Variants in ANKRD30A observed in about 807,000 individuals in gnomAD.
ANKRD30A encodes the protein ankyrin repeat domain-containing protein 30A.
In ANKRD30A, 170 loss-of-function variants were observed where a neutral mutation model predicts 166.3. That is an observed-to-expected ratio of 1.02 (90% CI 0.90 to 1.16). The LOEUF (loss-of-function observed/expected upper bound fraction) is 1.16. Ranked by LOEUF, ANKRD30A falls within the 50% of genes most tolerant of loss-of-function variation. ANKRD30A has a pLI of 0.00. For missense variants in ANKRD30A, 1,630 were observed against 1,518.0 expected (o/e 1.07, Z -1.23); for synonymous variants, 564 against 508.9 (o/e 1.11, Z -1.46).
intron 9 of ANKRD30A, among the ~76,000 whole-genome samples, chr10:37,148,776 C>T (rs1837694651): frequency 6.6e-6 from 1 of 152,008 alleles, no homozygotes; most frequent in Non-Finnish European, 1.5e-5. Context: ...AAACTAAGAA[C>T]ATTGGCTTTA....
chr10:37,184,032 T>G (rs1314095909), intron 24 of ANKRD30A, among the ~76,000 whole-genome samples: 6 of 151,818 alleles, frequency 4.0e-5, no homozygotes, highest in African/African-American at 1.2e-4. Context: ...TTTCTAATAA[T>G]TTCTCAGGCG....
At chr10:37,133,510 A>G (rs1268853391) in intron 4 of ANKRD30A, among the ~76,000 whole-genome samples, 1 of 152,246 alleles carries the variant, frequency 6.6e-6, no homozygotes, top group African/African-American at 2.4e-5. Context: ...TAAACTTAGC[A>G]TGACTACTAC....
At chr10:37,206,251 C>T (rs1841986260) in intron 31 of ANKRD30A, among the ~76,000 whole-genome samples, 2 of 152,046 alleles carry the variant, frequency 1.3e-5, no homozygotes, top group South Asian at 4.2e-4. Flanking sequence ...GAGAAGGAAA[C>T]TTGAGTGAAT....
intron 24 of ANKRD30A, among the ~76,000 whole-genome samples, chr10:37,179,234 A>T (rs1279226084): frequency 6.6e-6 from 1 of 150,842 alleles, no homozygotes. Flanking sequence ...AATTTTGAAA[A>T]CCATAAAACT....
At chr10:37,197,215 G>T (rs367659935) in intron 27 of ANKRD30A, 66 bp from the exon 28 acceptor site, 3 of 1,590,434 alleles carry the variant, frequency 1.9e-6, no homozygotes, top group Non-Finnish European at 2.6e-6. Flanking sequence ...TACTATCACG[G>T]CATTCATTTG....
At chr10:37,150,747 A>AT (rs1254569745) in intron 11 of ANKRD30A, among the ~76,000 whole-genome samples, 1 of 152,124 alleles carries the variant, frequency 6.6e-6, no homozygotes, top group Non-Finnish European at 1.5e-5. Context: ...TAATTGCACA[A>AT]TTTTTATGCT....
At chr10:37,165,287 T>A (rs1839228226) in intron 18 of ANKRD30A, 132 bp downstream of exon 18, 1 of 838,854 alleles carries the variant, frequency 1.2e-6, no homozygotes, top group South Asian at 1.7e-5. Flanking sequence ...TTTCAGTATA[T>A]GCTTAATGGA....
chr10:37,139,988 G>A (rs11011047), intron 6 of ANKRD30A, among the ~76,000 whole-genome samples: 11,926 of 152,166 alleles, frequency 0.078, 623 homozygotes, highest in Middle Eastern at 0.13. Flanking sequence ...CTTCCTGAAA[G>A]CACAAACAGT....
chr10:37,132,987 G>A (rs180828179), intron 4 of ANKRD30A, among the ~76,000 whole-genome samples: 6 of 151,588 alleles, frequency 4.0e-5, no homozygotes, highest in African/African-American at 9.7e-5. Context: ...GTAATAGAGC[G>A]AGATTCTGTC....
rs183789344 is a variant in ANKRD30A at position 37,204,303 on chromosome 10, G to A, written c.2869+2978G>A. ...ACCAAAACAGAGATATAGATGAATG[G>A]AACAGAACCACACATCTACAACCAT... On this transcript the variant is annotated intron_variant, in intron 31 of 35. Coordinates refer to ENST00000361713, the MANE Select transcript of ANKRD30A (RefSeq NM_052997.3). Among the ~76,000 whole-genome samples, 975 of 150,994 alleles carry A rather than the reference G, an allele frequency of 6.5e-3. 6 individuals carry two copies. Among genetic ancestry groups the A allele is most frequent in the Admixed American group, 0.011 (166 of 15,098 alleles).
chr10:37,217,747 G>A lies in ANKRD30A; in HGVS notation c.3136G>A (p.Glu1046Lys). Residue 1046 changes from glutamate to lysine, a missense_variant, in exon 33 of 36, where the codon GAA (glutamate) becomes AAA (lysine). Coordinates refer to ENST00000361713, the MANE Select transcript of ANKRD30A (RefSeq NM_052997.3). ...EKRRNADILN[E>K]KIREELGRIE... ...GAGAAGAAATGCCGATATATTAAAT[G>A]AAAAAATTAGGGAAGAATTAGGAAG... 1 of 1,594,658 alleles carries A rather than the reference G, an allele frequency of 6.3e-7. No homozygotes were observed. Among genetic ancestry groups the A allele is most frequent in the Non-Finnish European group, 8.5e-7 (1 of 1,171,192 alleles).
chr10:37,161,728 G>C (rs1046670226), intron 15 of ANKRD30A, among the ~76,000 whole-genome samples: 1 of 152,072 alleles, frequency 6.6e-6, no homozygotes, highest in Non-Finnish European at 1.5e-5. Flanking sequence ...TATATATTTT[G>C]TTGCTGTTCG....
intron 15 of ANKRD30A, among the ~76,000 whole-genome samples, chr10:37,159,962 G>A (rs1256161005): frequency 3.3e-5 from 5 of 152,244 alleles, no homozygotes; most frequent in Admixed American, 3.3e-4. Flanking sequence ...GCCTCCCAAA[G>A]TACTGGAATT....
chr10:37,254,876 G>T, the ANKRD30A span, among the ~76,000 whole-genome samples: 4 of 151,796 alleles, frequency 2.6e-5, no homozygotes, highest in Non-Finnish European at 4.4e-5. Context: ...TAGAGACGGG[G>T]CTTCACCGTG....
intron 29 of ANKRD30A, among the ~76,000 whole-genome samples, 170 bp from the exon 30 acceptor site, chr10:37,199,548 TTCAGATTTC>T (rs1271251760): frequency 1.3e-5 from 2 of 152,082 alleles, no homozygotes; most frequent in Non-Finnish European, 2.9e-5. Context: ...TTTCAGACTT[TTCAGATTTC>T]AATTCTAACG....
intron 29 of ANKRD30A, 48 bp from the exon 30 acceptor site, chr10:37,199,679 T>A (rs1261417386): frequency 8.2e-7 from 1 of 1,225,956 alleles, no homozygotes; most frequent in Non-Finnish European, 1.2e-6. Context: ...TTAAAATGTA[T>A]AGTAGAGAAA....
In ANKRD30A at chr10:37,149,854, A is replaced by T. The variant is rs1261930932; in HGVS notation, c.1645+5A>T. 6.2e-7 allele frequency: 1 copy of T among 1,612,394 alleles called. No individual in the cohort carries two copies. Among genetic ancestry groups the T allele is most frequent in the Non-Finnish European group, 8.5e-7 (1 of 1,178,904 alleles). Reference sequence around the variant, plus strand: ...ATGAACAAACATTGAGAGCAGGTAAATTTTTCAATTTAACTATGCAAAGAC... The same window carrying T: ...ATGAACAAACATTGAGAGCAGGTAATTTTTTCAATTTAACTATGCAAAGAC... On this transcript the variant is annotated splice_donor_5th_base_variant and intron_variant, in intron 11 of 35. Coordinates refer to ENST00000361713, the MANE Select transcript of ANKRD30A (RefSeq NM_052997.3).
intron 29 of ANKRD30A, among the ~76,000 whole-genome samples, chr10:37,198,111 A>G (rs1841302646): frequency 6.6e-6 from 1 of 152,098 alleles, no homozygotes; most frequent in Non-Finnish European, 1.5e-5. Context: ...TTGGCTTTAG[A>G]GTCTTTTTAC....
chr10:37,162,984 G>A (rs1267986393), intron 17 of ANKRD30A, 136 bp downstream of exon 17: 10 of 1,146,706 alleles, frequency 8.7e-6, no homozygotes, highest in Non-Finnish European at 9.7e-6. Context: ...TACTGGTATT[G>A]ATGTTTGAAA....
Sources: allele counts gnomAD v4.1 joint callset (sites outside exome capture counted in the v4.1 genomes callset), GRCh38; gene constraint gnomAD v4.1.1; transcripts MANE v1.5; gene names NCBI Gene and HGNC (gene_info 2026-07-23, HGNC 2026-07-21).